PTCHD4: variants seen among roughly 807,000 people sequenced by gnomAD.
The protein encoded by PTCHD4 is patched domain containing 4.
In PTCHD4, 33 loss-of-function variants were observed where a neutral mutation model predicts 58.1. The ratio of observed to expected loss-of-function variants is 0.57; its 90% confidence interval spans 0.43 to 0.76. PTCHD4 has a LOEUF of 0.76. PTCHD4 is among the 30% of genes least tolerant of loss of function. The pLI is 0.00. For synonymous variants in PTCHD4, 478 were observed against 409.6 expected (o/e 1.17, Z -2.02); for missense variants, 1,058 against 1,027.1 (o/e 1.03, Z -0.41).
chr6:48,095,419 C>A (rs1765444988), intron 1 of PTCHD4, among the ~76,000 whole-genome samples: 1 of 152,146 alleles, frequency 6.6e-6, no homozygotes, highest in Admixed American at 6.5e-5. Context: ...CGCTGTGGCT[C>A]ACGCCTGTAA....
intron 3 of PTCHD4, among the ~76,000 whole-genome samples, chr6:48,047,167 C>T (rs565449821): frequency 6.6e-6 from 1 of 151,756 alleles, no homozygotes; most frequent in African/African-American, 2.4e-5. Context: ...TCTCCCTTCC[C>T]TTCTCTTGTT....
At chr6:48,010,927 C>T (rs922862024) in intron 3 of PTCHD4, among the ~76,000 whole-genome samples, 1 of 152,170 alleles carries the variant, frequency 6.6e-6, no homozygotes, top group African/African-American at 2.4e-5. Flanking sequence ...TTTATGGCTG[C>T]ATAGTATTCC....
At chr6:47,922,596 A>G (rs969138953) in intron 4 of PTCHD4, among the ~76,000 whole-genome samples, 3 of 152,174 alleles carry the variant, frequency 2.0e-5, no homozygotes, top group African/African-American at 7.2e-5. Context: ...CACAGAGCAT[A>G]TGGCTTGGCA....
intron 1 of PTCHD4, among the ~76,000 whole-genome samples, chr6:48,089,539 A>G (rs9473232): frequency 0.16 from 23,847 of 152,216 alleles, 1,914 homozygotes; most frequent in African/African-American, 0.2. Context: ...GAGACCAACA[A>G]TGAATCTTTT....
At position 47,875,794 on chromosome 6, in the gene PTCHD4, A is replaced by G. The variant is rs986582550; in HGVS notation, c.*2509T>C. ...CCTCCATGTGCTTTTGACAACTGGCATGCTTGATTCTTTCCCTGTAAATCA... is the reference window on the plus strand; with the variant it reads ...CCTCCATGTGCTTTTGACAACTGGCGTGCTTGATTCTTTCCCTGTAAATCA... On this transcript the variant is annotated 3_prime_UTR_variant, in exon 5 of 5. Coordinates refer to ENST00000339488, the MANE Select transcript of PTCHD4 (RefSeq NM_001384253.1). 2.0e-5 allele frequency among the ~76,000 whole-genome samples: 3 copies of G among 151,780 alleles called. No homozygotes were observed. Among genetic ancestry groups the G allele is most frequent in the African/African-American group, 4.8e-5 (2 of 41,366 alleles).
chr6:47,893,726 T>A (rs1343668409), intron 4 of PTCHD4, among the ~76,000 whole-genome samples: 1 of 152,262 alleles, frequency 6.6e-6, no homozygotes, highest in African/African-American at 2.4e-5. Context: ...CCCTTAAATG[T>A]TAACTATTAC....
chr6:47,876,697 C>A lies in PTCHD4; in HGVS notation c.*1606G>T, dbSNP rs1050425979. Reference sequence around the variant, plus strand: ...GCTTACTAGCAGATTTTATAATCATCGGACATTTATTCTGTCCTACCTGGA... The same window carrying A: ...GCTTACTAGCAGATTTTATAATCATAGGACATTTATTCTGTCCTACCTGGA... On this transcript the variant is annotated 3_prime_UTR_variant, in exon 5 of 5. Coordinates refer to ENST00000339488, the MANE Select transcript of PTCHD4 (RefSeq NM_001384253.1). Among the ~76,000 whole-genome samples, 1 of 152,008 alleles carries A rather than the reference C, an allele frequency of 6.6e-6. No homozygotes were observed. Among genetic ancestry groups the A allele is most frequent in the Non-Finnish European group, 1.5e-5 (1 of 67,962 alleles).
At chr6:47,941,425 C>T (rs1448952202) in intron 4 of PTCHD4, among the ~76,000 whole-genome samples, 2 of 152,066 alleles carry the variant, frequency 1.3e-5, no homozygotes, top group African/African-American at 4.8e-5. Flanking sequence ...CTCCCAGTTG[C>T]CTATATTATA....
Position 47,872,043 on chromosome 6 carries a change from C to A in PTCHD4, c.*6260G>T, listed in dbSNP as rs1334672455. On this transcript the variant is annotated 3_prime_UTR_variant, in exon 5 of 5. Transcript: ENST00000339488. ...ACGGCTTATTCTTTTTTTTTTTTCCCCAGCTCTATCAGTGTTGCTACCAAC... is the reference window on the plus strand; with the variant it reads ...ACGGCTTATTCTTTTTTTTTTTTCCACAGCTCTATCAGTGTTGCTACCAAC... 2.7e-5 allele frequency among the ~76,000 whole-genome samples: 4 copies of A among 150,042 alleles called. No homozygotes were observed. The highest frequency in any genetic ancestry group is 5.9e-5 in the Non-Finnish European group (4 of 67,364).
At position 47,879,112 on chromosome 6, in the gene PTCHD4, A is replaced by C. The variant is rs1381428347; in HGVS notation, c.1723T>G (p.Ser575Ala). Residue 575 changes from serine to alanine, a missense_variant, in exon 5 of 5, where the codon TCA (serine) becomes GCA (alanine). Coordinates refer to ENST00000339488, the MANE Select transcript of PTCHD4 (RefSeq NM_001384253.1). Reference protein sequence around the residue: ...KSDFISVLQSSFLKKPEFQHF... With the variant: ...KSDFISVLQSAFLKKPEFQHF... ...TGGAATTCTGGCTTTTTTAAAAATG[A>C]GCTTTGCAGGACACTGATGAAGTCA... 1 of 1,612,662 alleles carries C rather than the reference A, an allele frequency of 6.2e-7. No homozygotes were observed.
intron 4 of PTCHD4, among the ~76,000 whole-genome samples, chr6:47,971,846 T>C (rs1324912988): frequency 1.3e-5 from 2 of 152,148 alleles, no homozygotes; most frequent in Non-Finnish European, 2.9e-5. Flanking sequence ...AGTGACTAGA[T>C]GACTGGCTCA....
chr6:48,067,553 A>AT (rs920994329), intron 3 of PTCHD4, among the ~76,000 whole-genome samples: 5 of 152,170 alleles, frequency 3.3e-5, no homozygotes, highest in Admixed American at 6.5e-5. Context: ...TACTACATTC[A>AT]TAACTCACTG....
At chr6:48,056,835 C>A (rs1274135274) in intron 3 of PTCHD4, among the ~76,000 whole-genome samples, 2 of 152,162 alleles carry the variant, frequency 1.3e-5, no homozygotes, top group Admixed American at 6.6e-5. Flanking sequence ...GCACTGGTGA[C>A]CATGTGACAC....
At position 47,979,970 on chromosome 6, in the gene PTCHD4, A is replaced by C. The variant is rs147851421; in HGVS notation, c.898+28664T>G. On this transcript the variant is annotated intron_variant, in intron 4 of 4. Transcript: ENST00000339488. ...AAGCAATACTGCTTTTAAAAGCAACAATCTTATTTCTAATGAATTTTAAAA... is the reference window on the plus strand; with the variant it reads ...AAGCAATACTGCTTTTAAAAGCAACCATCTTATTTCTAATGAATTTTAAAA... Among the ~76,000 whole-genome samples, 471 of 152,212 alleles carry C rather than the reference A, an allele frequency of 3.1e-3. 4 individuals are homozygous for C. The highest frequency in any genetic ancestry group is 0.011 in the African/African-American group (441 of 41,576).
At chr6:47,924,982 TA>T (rs1765553871) in intron 4 of PTCHD4, among the ~76,000 whole-genome samples, 2 of 149,672 alleles carry the variant, frequency 1.3e-5, no homozygotes. Flanking sequence ...ATACATTTTA[TA>T]TATATGTATA....
At chr6:47,962,958 A>G (rs113371550) in intron 4 of PTCHD4, among the ~76,000 whole-genome samples, 22,813 of 151,806 alleles carry the variant, frequency 0.15, 2,404 homozygotes, top group African/African-American at 0.3. Flanking sequence ...TCAGGAGTTC[A>G]AGACCAGCCT....
chr6:48,110,540 G>T (rs1242396813), intron 1 of PTCHD4, among the ~76,000 whole-genome samples: 1 of 151,614 alleles, frequency 6.6e-6, no homozygotes, highest in Admixed American at 6.6e-5. Context: ...GGATGAATAA[G>T]TCTAGAGATC....
intron 4 of PTCHD4, among the ~76,000 whole-genome samples, chr6:47,987,449 G>T (rs899586280): frequency 4.7e-5 from 7 of 149,854 alleles, no homozygotes; most frequent in African/African-American, 1.5e-4. Context: ...TAAGTATCCA[G>T]CCATTTAAAG....
chr6:47,963,401 G>A (rs1253146215), intron 4 of PTCHD4, among the ~76,000 whole-genome samples: 1 of 152,032 alleles, frequency 6.6e-6, no homozygotes, highest in East Asian at 1.9e-4. Flanking sequence ...AAATAAAATG[G>A]TGTAGCTGCT....
Sources: gnomAD v4.1 joint callset for allele counts (sites outside exome capture counted in the v4.1 genomes callset) on GRCh38, gnomAD v4.1.1 for gene constraint, MANE v1.5 for transcripts, NCBI Gene and HGNC (gene_info 2026-07-23, HGNC 2026-07-21) for gene names.